CMSS1: variants seen among roughly 807,000 people sequenced by gnomAD.
CMSS1 encodes the protein cms1 ribosomal small subunit homolog, also known as protein CMSS1.
Under a neutral mutation model 43.5 loss-of-function variants are expected in CMSS1, and 33 were observed. That is an observed-to-expected ratio of 0.76 (90% CI 0.57 to 1.01). CMSS1 has a LOEUF of 1.01. CMSS1 is among the 50% of genes least tolerant of loss of function. The pLI is 0.00. For synonymous variants in CMSS1, 115 were observed against 117.2 expected (o/e 0.98, Z 0.12); for missense variants, 313 against 326.4 (o/e 0.96, Z 0.32).
At chr3:99,875,056 T>TAA in intron 1 of CMSS1, among the ~76,000 whole-genome samples, 1 of 152,352 alleles carries the variant, frequency 6.6e-6, no homozygotes, top group Non-Finnish European at 1.5e-5. Flanking sequence ...ACATAGTTGT[T>TAA]AAAGTTTTAT....
At chr3:99,915,900 T>C (rs1337944945) in intron 1 of CMSS1, among the ~76,000 whole-genome samples, 1 of 152,214 alleles carries the variant, frequency 6.6e-6, no homozygotes, top group Non-Finnish European at 1.5e-5. Context: ...TAGAACCCAG[T>C]ATAGGGTCTA....
chr3:100,066,681 G>A lies in CMSS1; in HGVS notation c.65-80292G>A, dbSNP rs570912152. Among the ~76,000 whole-genome samples, 8 of 131,906 alleles carry A rather than the reference G, an allele frequency of 6.1e-5. No homozygotes were observed. The East Asian group carries it at 1.5e-3, about 24-fold the overall frequency. 86.5% of individuals were successfully genotyped at this position (131,906 alleles called of 152,430 possible). A position where few individuals can be genotyped will look rare whatever the true frequency, so the allele number is the denominator to read the frequency against. ...CAAGTAGCTGGGACTACAGGCGCCCGCCACTACGCCCGGCTAATTTTTTGT... is the reference window on the plus strand; with the variant it reads ...CAAGTAGCTGGGACTACAGGCGCCCACCACTACGCCCGGCTAATTTTTTGT... On this transcript the variant is annotated intron_variant, in intron 1 of 9. Coordinates refer to ENST00000421999, the MANE Select transcript of CMSS1 (RefSeq NM_032359.4).
intron 1 of CMSS1, among the ~76,000 whole-genome samples, chr3:100,021,958 T>TGTGTGA (rs2064830866): frequency 1.1e-5 from 1 of 94,880 alleles, no homozygotes; most frequent in African/African-American, 3.8e-5. Context: ...TGTGTGTGTG[T>TGTGTGA]GTGAGAGAGA....
At chr3:100,106,716 G>C (rs996967659) in intron 1 of CMSS1, among the ~76,000 whole-genome samples, 1 of 152,140 alleles carries the variant, frequency 6.6e-6, no homozygotes, top group Non-Finnish European at 1.5e-5. Context: ...GCTTCCTTTT[G>C]AATGCTTTAG....
rs548256664 is a variant in CMSS1 at position 100,065,079 on chromosome 3, G to A, written c.65-81894G>A. Among the ~76,000 whole-genome samples, 3 of 152,234 alleles carry A rather than the reference G, an allele frequency of 2.0e-5. No homozygotes were observed. The East Asian group carries it at 5.8e-4, about 29-fold the overall frequency. On this transcript the variant is annotated intron_variant, in intron 1 of 9. Transcript: ENST00000421999. ...TCAGTCTCATAAGATTGTAAACTAT[G>A]AGCCCAAATGCCTGAATTATAAGAC...
intron 1 of CMSS1, among the ~76,000 whole-genome samples, chr3:100,104,317 G>C (rs2066358406): frequency 6.6e-6 from 1 of 152,184 alleles, no homozygotes. Context: ...AGACCAAGAT[G>C]ACATAGCTGT....
At chr3:99,943,843 A>G (rs538359182) in intron 1 of CMSS1, among the ~76,000 whole-genome samples, 2 of 152,348 alleles carry the variant, frequency 1.3e-5, no homozygotes, top group East Asian at 3.9e-4. Context: ...TGGCCGAGTT[A>G]TAATCTTACT....
intron 2 of CMSS1, among the ~76,000 whole-genome samples, chr3:100,157,033 G>A (rs184908361): frequency 3.9e-5 from 6 of 152,280 alleles, no homozygotes. Flanking sequence ...TAGGGTTACA[G>A]ACATGAGACA....
chr3:99,968,669 A>C (rs1559707622), intron 1 of CMSS1, among the ~76,000 whole-genome samples: 1 of 152,220 alleles, frequency 6.6e-6, no homozygotes, highest in African/African-American at 2.4e-5. Flanking sequence ...AGAAGCAAAC[A>C]AAAGACAAGG....
chr3:99,971,005 TATTTAAC>T (rs1461519199), intron 1 of CMSS1, among the ~76,000 whole-genome samples: 1 of 152,170 alleles, frequency 6.6e-6, no homozygotes, highest in African/African-American at 2.4e-5. Flanking sequence ...ATTCACAAGA[TATTTAAC>T]AGCAAGGATT....
At chr3:100,141,470 G>T (rs949441248) in intron 1 of CMSS1, 2 of 443,094 alleles carry the variant, frequency 4.5e-6, no homozygotes, top group Non-Finnish European at 9.0e-6. Context: ...GAAGACGGCG[G>T]TCTTAACGTA....
intron 3 of CMSS1, among the ~76,000 whole-genome samples, chr3:100,161,029 G>A (rs2067018795): frequency 6.6e-6 from 1 of 152,178 alleles, no homozygotes; most frequent in Non-Finnish European, 1.5e-5. Context: ...GTGAGCACAG[G>A]AAAGACTCTT....
intron 1 of CMSS1, among the ~76,000 whole-genome samples, chr3:99,929,563 T>C (rs949438151): frequency 6.6e-6 from 1 of 151,986 alleles, no homozygotes; most frequent in African/African-American, 2.4e-5. Context: ...TGTGTGTGCA[T>C]GTGTGTGTTT....
In CMSS1 at chr3:100,162,426, C is replaced by A. The variant is rs763027617; in HGVS notation, c.349C>A (p.Leu117Met). The A allele has an allele frequency of 9.1e-5, 147 of 1,611,310 alleles. No individual in the cohort carries two copies. In the Admixed American group the frequency reaches 2.5e-3, roughly 27 times the overall value. Residue 117 changes from leucine (L) to methionine (M), a missense_variant, in exon 4 of 10, where the codon CTG becomes ATG. Coordinates refer to ENST00000421999, the MANE Select transcript of CMSS1 (RefSeq NM_032359.4). ...GGTGATTGAATTAGAAGAACTGAAC[C>A]TGCCAGGTATAGCCAAGCTTCAATT... is the stretch of plus-strand genomic sequence containing the variant. ...RLVIELEELN[L>M]PDSCFLKAND...
chr3:99,918,607 C>T (rs976478974), intron 1 of CMSS1, among the ~76,000 whole-genome samples: 1 of 152,058 alleles, frequency 6.6e-6, no homozygotes, highest in Admixed American at 6.5e-5. Context: ...GTATGGAAAC[C>T]GCTGAATTGT....
intron 1 of CMSS1, among the ~76,000 whole-genome samples, chr3:100,137,937 A>T (rs1431038246): frequency 5.9e-5 from 9 of 152,218 alleles, no homozygotes; most frequent in African/African-American, 1.9e-4. Context: ...TAGAAACTAT[A>T]TACTCAGAAA....
chr3:100,082,979 T>A (rs1161124454), intron 1 of CMSS1, among the ~76,000 whole-genome samples: 2 of 152,222 alleles, frequency 1.3e-5, no homozygotes, highest in Non-Finnish European at 2.9e-5. Context: ...GTGGTTTTAT[T>A]TAATGTTTAG....
At chr3:100,146,614 T>C (rs1218903755) in intron 1 of CMSS1, among the ~76,000 whole-genome samples, 5 of 152,368 alleles carry the variant, frequency 3.3e-5, no homozygotes, top group Non-Finnish European at 5.9e-5. Context: ...AACCACTCAA[T>C]AATTCTAGCC....
At chr3:100,102,631 AT>A (rs1450015915) in intron 1 of CMSS1, among the ~76,000 whole-genome samples, 10 of 152,162 alleles carry the variant, frequency 6.6e-5, no homozygotes, top group Non-Finnish European at 1.5e-4. Context: ...GGCAAGGACA[AT>A]GCCAAGCTGC....
Sources: allele counts gnomAD v4.1 joint callset (sites outside exome capture counted in the v4.1 genomes callset), GRCh38; gene constraint gnomAD v4.1.1; transcripts MANE v1.5; gene names NCBI Gene and HGNC (gene_info 2026-07-23, HGNC 2026-07-21).